The following SERAC1 variants were observed in gnomAD, a reference collection of about 807,000 sequenced individuals.
SERAC1 encodes the protein protein SERAC1.
Under a neutral mutation model 85.7 loss-of-function variants are expected in SERAC1, and 36 were observed. The observed-to-expected ratio is 0.42, with a 90% CI of 0.32 to 0.55. The LOEUF is 0.55. Ranked by LOEUF, SERAC1 falls within the 20% of genes least tolerant of loss-of-function variation. SERAC1 has a pLI of 0.11. For missense variants in SERAC1, 629 were observed against 796.2 expected (o/e 0.79, Z 2.53); for synonymous variants, 242 against 265.3 (o/e 0.91, Z 0.85).
rs1266125271 is a variant in SERAC1, at chr6:158,150,450, T to G, written c.265+3A>C. The G allele has an allele frequency of 1.9e-6, 3 of 1,559,990 alleles. No individual in the cohort carries two copies. The highest frequency in any genetic ancestry group is 2.6e-6 in the Non-Finnish European group (3 of 1,137,432). On this transcript the variant is annotated splice_donor_region_variant and intron_variant, in intron 4 of 16. Coordinates refer to ENST00000647468, the MANE Select transcript of SERAC1 (RefSeq NM_032861.4). ...ACAGAGGATTACTTTACAATAAACT[T>G]ACCATGATTTTCTCCTTTGTCTAAA... is the stretch of plus-strand genomic sequence containing the variant.
chr6:158,111,340 A>C lies in SERAC1; in HGVS notation c.*26T>G. Reference sequence around the variant, plus strand: ...ACCAAGTTTCTTGCACTGAATTCACATATGAAAACTGGAAGAGCACAACTG... The same window carrying C: ...ACCAAGTTTCTTGCACTGAATTCACCTATGAAAACTGGAAGAGCACAACTG... On this transcript the variant is annotated 3_prime_UTR_variant, in exon 17 of 17. Coordinates refer to ENST00000647468, the MANE Select transcript of SERAC1 (RefSeq NM_032861.4). 1 of 1,558,120 alleles carries C rather than the reference A, an allele frequency of 6.4e-7. No individual in the cohort carries two copies. Among genetic ancestry groups the C allele is most frequent in the Non-Finnish European group, 8.6e-7 (1 of 1,157,498 alleles).
At position 158,117,588 on chromosome 6, in the gene SERAC1, CAAAA is replaced by C; in HGVS notation, c.1403+135_1403+138del. On this transcript the variant is annotated intron_variant, in intron 13 of 16. Coordinates refer to ENST00000647468, the MANE Select transcript of SERAC1 (RefSeq NM_032861.4). The surrounding 1 kb of genome is among the most constrained non-coding windows in gnomAD (Gnocchi z 4.3). ...CAGCAAACTCCTTCTAGAAGGAAGA[CAAAA>C]AAGATTAGGTTTGTTCTTCATAAGA... The C allele has an allele frequency of 6.4e-7, 1 of 1,553,782 alleles. No homozygotes were observed. Among genetic ancestry groups the C allele is most frequent in the Non-Finnish European group, 8.7e-7 (1 of 1,147,974 alleles).
intron 8 of SERAC1, among the ~76,000 whole-genome samples, chr6:158,131,144 A>T (rs2128416090): frequency 6.6e-6 from 1 of 151,824 alleles, no homozygotes; most frequent in African/African-American, 2.4e-5. Flanking sequence ...CTTATCACAG[A>T]TCAAGGGTTA....
intron 14 of SERAC1, among the ~76,000 whole-genome samples, chr6:158,115,965 AG>A (rs1784277407): frequency 6.6e-6 from 1 of 152,248 alleles, no homozygotes; most frequent in Non-Finnish European, 1.5e-5. Context: ...TATCCCTCTT[AG>A]ATGATTTGTA....
At chr6:158,148,990 G>GT in intron 4 of SERAC1, 36 bp from the exon 5 acceptor site, 1 of 1,377,602 alleles carries the variant, frequency 7.3e-7, no homozygotes, top group Non-Finnish European at 1.0e-6. Flanking sequence ...AACCAAGAAT[G>GT]TATTTTTTTT....
At position 158,114,838 on chromosome 6, in the gene SERAC1, A is replaced by G. The variant is rs1344527238; in HGVS notation, c.1635T>C (p.Asn545=). ...ACGAGGGGAAGAGAAGATAGCGAAT[A>G]TTAACAGAGTATTCAGCCAAACGTG... is the stretch of plus-strand genomic sequence containing the variant. ...HGSRLAEYSV[N]IRYLLFPSLE... The change falls in exon 15 of 17, where the codon AAT becomes AAC. Residue 545 remains asparagine (N), a synonymous_variant. Transcript: ENST00000647468. 3 of 1,614,000 alleles carry G rather than the reference A, an allele frequency of 1.9e-6. No individual in the cohort carries two copies. Among genetic ancestry groups the G allele is most frequent in the Non-Finnish European group, 2.5e-6 (3 of 1,180,006 alleles).
At chr6:158,114,419 TACTA>T in intron 15 of SERAC1, 1 of 918,486 alleles carries the variant, frequency 1.1e-6, no homozygotes, top group Non-Finnish European at 1.3e-6. Flanking sequence ...TTAAAATTAA[TACTA>T]ACAATCTCAA....
At chr6:158,164,617 T>C (rs1472535199) in intron 1 of SERAC1, among the ~76,000 whole-genome samples, 1 of 152,062 alleles carries the variant, frequency 6.6e-6, no homozygotes, top group Non-Finnish European at 1.5e-5. Context: ...AAAACAAATA[T>C]TTGAAAATTC....
chr6:158,158,154 CAT>C (rs913326320), intron 2 of SERAC1, 117 bp downstream of exon 2: 1 of 673,594 alleles, frequency 1.5e-6, no homozygotes, highest in East Asian at 2.6e-5. Context: ...TACAGAAAGA[CAT>C]AAACAAATTT....
chr6:158,156,748 T>G (rs1785343562), intron 2 of SERAC1, among the ~76,000 whole-genome samples: 1 of 141,724 alleles, frequency 7.1e-6, no homozygotes, highest in Non-Finnish European at 1.5e-5. Context: ...AATATATTAT[T>G]TTTATATATA....
Position 158,116,232 on chromosome 6 carries a change from G to A in SERAC1, c.1454C>T (p.Ala485Val), listed in dbSNP as rs779401825. Residue 485 changes from alanine (A) to valine (V), a missense_variant, in exon 14 of 17, where the codon GCT becomes GTT. By Grantham distance (64) the Ala-to-Val change is moderately conservative (BLOSUM62 0). Coordinates refer to ENST00000647468, the MANE Select transcript of SERAC1 (RefSeq NM_032861.4). ...SNELLRKLRAAGVGDRPVVWI... is the reference protein window; with the variant it reads ...SNELLRKLRAVGVGDRPVVWI... ...AACCACTGGCCTATCCCCAACACCA[G>A]CAGCTCTGAGCTTCCTAAGAAGTTC... The A allele has an allele frequency of 1.2e-6, 2 of 1,614,072 alleles. No homozygotes were observed. Among genetic ancestry groups the A allele is most frequent in the African/African-American group, 1.3e-5 (1 of 75,008 alleles).
chr6:158,151,243 TA>T (rs1256200842), intron 3 of SERAC1: 1 of 151,922 alleles, frequency 6.6e-6, no homozygotes, highest in Non-Finnish European at 1.5e-5. Context: ...CAAAAACATT[TA>T]AAAAGTTAAA....
At chr6:158,124,476 T>C (rs758600562) in intron 10 of SERAC1, among the ~76,000 whole-genome samples, 20 of 152,124 alleles carry the variant, frequency 1.3e-4, no homozygotes, top group Non-Finnish European at 2.2e-4. Context: ...TTCTTGAAAA[T>C]TGCTGACAGA....
chr6:158,122,745 A>G (rs9364804), intron 10 of SERAC1, among the ~76,000 whole-genome samples: 1 of 152,306 alleles, frequency 6.6e-6, no homozygotes, highest in East Asian at 1.9e-4. Context: ...GCGCCACTGC[A>G]CTCCAGCCTG....
intron 14 of SERAC1, among the ~76,000 whole-genome samples, chr6:158,115,731 T>G (rs2128410908): frequency 6.6e-6 from 1 of 152,166 alleles, no homozygotes; most frequent in Non-Finnish European, 1.5e-5. Flanking sequence ...CACCTGTACC[T>G]CAGCAGCTCT....
At chr6:158,132,121 G>C (rs975445490) in intron 8 of SERAC1, among the ~76,000 whole-genome samples, 2 of 152,168 alleles carry the variant, frequency 1.3e-5, no homozygotes, top group African/African-American at 4.8e-5. Flanking sequence ...GGTCATAATT[G>C]TGTGCATACA....
In SERAC1 at chr6:158,143,341, CTCTCTCTATATATATATATATA is replaced by C. The variant is rs1220706971; in HGVS notation, c.610-179_610-158del. On this transcript the variant is annotated intron_variant, in intron 7 of 16. Transcript: ENST00000647468. Reference sequence around the variant, plus strand: ...TCTCTCTCTCTCTCTCTCTCTCTCTCTCTCTCTATATATATATATATATATATATATATACACACACACATAT... The same window carrying C: ...TCTCTCTCTCTCTCTCTCTCTCTCTCTATATATATATACACACACACATAT... Among the ~76,000 whole-genome samples, 95 of 26,096 alleles carry C rather than the reference CTCTCTCTATATATATATATATA, an allele frequency of 3.6e-3. 1 individual carries two copies. Among genetic ancestry groups the C allele is most frequent in the African/African-American group, 1.9e-3 (6 of 3,170 alleles). The allele number at this position is 26,096 out of a possible 152,430, so 17.1% of individuals were successfully genotyped here.
chr6:158,163,677 T>C (rs796537550), intron 1 of SERAC1, among the ~76,000 whole-genome samples: 15 of 152,280 alleles, frequency 9.9e-5, no homozygotes, highest in African/African-American at 3.6e-4. Flanking sequence ...ACTCCATCGA[T>C]CTATTTATCT....
At chr6:158,158,578 C>A in intron 1 of SERAC1, 1 of 434,550 alleles carries the variant, frequency 2.3e-6, no homozygotes, top group East Asian at 3.9e-5. Flanking sequence ...TTTCATTATT[C>A]TTCCTCACAC....
Sources: allele counts gnomAD v4.1 joint callset (sites outside exome capture counted in the v4.1 genomes callset), GRCh38; gene constraint gnomAD v4.1.1; non-coding constraint Gnocchi (gnomAD v3.1); transcripts MANE v1.5; gene names NCBI Gene and HGNC (gene_info 2026-07-23, HGNC 2026-07-21).